The following SLC17A1 variants were observed in gnomAD, a reference collection of about 807,000 sequenced individuals.
SLC17A1 encodes the protein solute carrier family 17 member 1, also known as sodium-dependent phosphate transport protein 1.
A neutral mutation model predicts 53.5 loss-of-function variants in SLC17A1; 51 were observed. The ratio of observed to expected loss-of-function variants is 0.95; its 90% CI spans 0.76 to 1.20. The LOEUF is 1.20. SLC17A1 is among the 50% of genes most tolerant of loss of function. The probability of loss-of-function intolerance (pLI) is 0.00; values close to 1 mark genes in which losing one functional copy is unlikely to be tolerated. For missense variants in SLC17A1, 538 were observed against 568.2 expected (o/e 0.95, Z 0.54); for synonymous variants, 179 against 198.8 (o/e 0.90, Z 0.84).
At chr6:25,781,887 A>G (rs761356609), downstream of SLC17A1, among the ~76,000 whole-genome samples, 14 of 152,372 alleles carry the variant, frequency 9.2e-5, no homozygotes, top group Non-Finnish European at 8.8e-5. Context: ...CCATAGCAGA[A>G]GGAAAGAGGC....
At chr6:25,746,312 C>T in the SLC17A1 span, among the ~76,000 whole-genome samples, 5 of 152,070 alleles carry the variant, frequency 3.3e-5, no homozygotes, top group Non-Finnish European at 7.4e-5. Context: ...TCATGGAGTT[C>T]CTCTTCAAAG....
the SLC17A1 span, among the ~76,000 whole-genome samples, chr6:25,767,351 A>G: frequency 6.6e-6 from 1 of 152,168 alleles, no homozygotes; most frequent in Non-Finnish European, 1.5e-5. Flanking sequence ...TCCCAATAAT[A>G]CGAAGGTGGT....
At chr6:25,788,357 G>T (rs1043587526) in intron 12 of SLC17A1, among the ~76,000 whole-genome samples, 1 of 152,172 alleles carries the variant, frequency 6.6e-6, no homozygotes, top group South Asian at 2.1e-4. Flanking sequence ...ATGACAGCTG[G>T]GGGAAAGCTC....
the SLC17A1 span, among the ~76,000 whole-genome samples, chr6:25,759,904 C>T: frequency 1.3e-5 from 2 of 152,128 alleles, no homozygotes; most frequent in African/African-American, 4.8e-5. Flanking sequence ...TTTAACTATG[C>T]AAATATTAAA....
the SLC17A1 span, chr6:25,726,549 AAC>A: frequency 6.3e-7 from 1 of 1,591,800 alleles, no homozygotes; most frequent in Non-Finnish European, 8.6e-7. Context: ...AAATTGCAGC[AAC>A]ACGAGAACCA....
At chr6:25,740,987 A>G in the SLC17A1 span, among the ~76,000 whole-genome samples, 1 of 152,212 alleles carries the variant, frequency 6.6e-6, no homozygotes, top group Non-Finnish European at 1.5e-5. Flanking sequence ...TGGAGATAGA[A>G]GGTAAAATTA....
the SLC17A1 span, among the ~76,000 whole-genome samples, chr6:25,774,377 T>A: frequency 6.6e-6 from 1 of 152,230 alleles, no homozygotes; most frequent in Non-Finnish European, 1.5e-5. Flanking sequence ...GTTATTCTTG[T>A]ACTCTCACTC....
At chr6:25,773,387 T>C in the SLC17A1 span, 4 of 1,613,740 alleles carry the variant, frequency 2.5e-6, no homozygotes, top group Non-Finnish European at 3.4e-6. Context: ...GTTCATTGGC[T>C]CAGCAGGTAC....
chr6:25,785,998 T>C (rs13213957), intron 12 of SLC17A1, among the ~76,000 whole-genome samples: 6,630 of 152,204 alleles, frequency 0.044, 197 homozygotes, highest in Non-Finnish European at 0.072. Context: ...TTGAAACATA[T>C]CTTCACATAA....
the SLC17A1 span, among the ~76,000 whole-genome samples, chr6:25,748,939 T>A: frequency 6.6e-6 from 1 of 152,228 alleles, no homozygotes; most frequent in Non-Finnish European, 1.5e-5. Context: ...ATTGAACAAA[T>A]GTACAATTGT....
At chr6:25,814,645 T>C (rs74532661) in intron 6 of SLC17A1, among the ~76,000 whole-genome samples, 1,615 of 152,248 alleles carry the variant, frequency 0.011, 25 homozygotes, top group African/African-American at 0.034. Context: ...AAAATGGCTA[T>C]AGAAATTTCT....
In SLC17A1 at chr6:25,819,799, C is replaced by G; in HGVS notation, c.324G>C (p.Lys108Asn). 6.2e-7 allele frequency: 1 copy of G among 1,614,138 alleles called. No individual in the cohort carries two copies. Among genetic ancestry groups the G allele is most frequent in the Non-Finnish European group, 8.5e-7 (1 of 1,179,992 alleles). Residue 108 changes from lysine to asparagine, a missense_variant, in exon 4 of 13, where the codon AAG becomes AAC. Lys to Asn is a moderately conservative substitution (Grantham distance 94, BLOSUM62 0). Coordinates refer to ENST00000244527, the MANE Select transcript of SLC17A1 (RefSeq NM_005074.5). ...VGYFSGIYST[K>N]KMIGFALCLS... The stretch of plus-strand genomic sequence containing the variant: ...GGCATAATGCAAAGCCAATCATTTT[C>G]TTTGTAGAATATATTCCAGAGAAGT...
At chr6:25,726,923 A>C in the SLC17A1 span, 3 of 1,613,170 alleles carry the variant, frequency 1.9e-6, no homozygotes, top group East Asian at 6.7e-5. Flanking sequence ...CGGAGGTGTC[A>C]TCTAAAGGTG....
intron 10 of SLC17A1, among the ~76,000 whole-genome samples, chr6:25,810,690 T>C (rs1049506655): frequency 1.3e-5 from 2 of 152,148 alleles, no homozygotes; most frequent in Admixed American, 1.3e-4. Context: ...GAAAACAGTA[T>C]GGATGTTCCT....
the SLC17A1 span, among the ~76,000 whole-genome samples, chr6:25,769,526 C>G: frequency 6.6e-6 from 1 of 150,598 alleles, no homozygotes; most frequent in South Asian, 2.1e-4. Context: ...CCACTGCACT[C>G]CGGTCTGGGT....
chr6:25,727,095 A>G, the SLC17A1 span: 3 of 1,614,254 alleles, frequency 1.9e-6, no homozygotes, highest in Non-Finnish European at 2.5e-6. Flanking sequence ...AGCTATGAGC[A>G]TTATGAATTC....
the SLC17A1 span, chr6:25,731,733 C>T: frequency 7.6e-7 from 1 of 1,314,878 alleles, no homozygotes; most frequent in Admixed American, 2.3e-5. Context: ...TTCATTGGCT[C>T]TTAAAAGAGC....
the SLC17A1 span, chr6:25,770,050 C>T: frequency 6.2e-7 from 1 of 1,603,436 alleles, no homozygotes; most frequent in Non-Finnish European, 8.5e-7. Flanking sequence ...CAAACAGTAA[C>T]TCTCTTTGTC....
At chr6:25,802,290 C>G (rs1763803243) in intron 10 of SLC17A1, among the ~76,000 whole-genome samples, 1 of 152,142 alleles carries the variant, frequency 6.6e-6, no homozygotes, top group South Asian at 2.1e-4. Context: ...ACCATATCTT[C>G]TGTACAACTG....
Sources: gnomAD v4.1 joint callset for allele counts (sites outside exome capture counted in the v4.1 genomes callset) on GRCh38, gnomAD v4.1.1 for gene constraint, MANE v1.5 for transcripts, NCBI Gene and HGNC (gene_info 2026-07-23, HGNC 2026-07-21) for gene names.